ASAP1: variants seen among roughly 807,000 people sequenced by gnomAD.
ASAP1 encodes arf-GAP with SH3 domain, ANK repeat and PH domain-containing protein 1.
A neutral mutation model predicts 145.2 loss-of-function variants in ASAP1; 43 were observed. The observed-to-expected ratio is 0.30, with a 90% CI of 0.23 to 0.38. The LOEUF (loss-of-function observed/expected upper bound fraction) is 0.38. Ranked by LOEUF, ASAP1 falls within the 10% of genes least tolerant of loss-of-function variation. ASAP1 has a pLI of 1.00. For missense variants in ASAP1, 1,018 were observed against 1,355.3 expected (o/e 0.75, Z 3.91); for synonymous variants, 546 against 515.5 (o/e 1.06, Z -0.80).
intron 3 of ASAP1, among the ~76,000 whole-genome samples, chr8:130,339,568 T>C (rs913016518): frequency 1.3e-5 from 2 of 152,168 alleles, no homozygotes; most frequent in African/African-American, 4.8e-5. Flanking sequence ...GCTTGGTTTG[T>C]AGATGTTTAA....
rs141365520 is a variant in ASAP1, at chr8:130,176,981, C to T, written c.746+2283G>A. 7.9e-3 allele frequency among the ~76,000 whole-genome samples: 1,207 copies of T among 152,198 alleles called. 7 individuals carry two copies. Among genetic ancestry groups the T allele is most frequent in the Non-Finnish European group, 0.013 (902 of 68,000 alleles). Reference sequence around the variant, plus strand: ...CGGGGATTACAGGCGTGAGCCACCGCGCCCAGCCGTCTCTCTTCCTCTTGA... The same window carrying T: ...CGGGGATTACAGGCGTGAGCCACCGTGCCCAGCCGTCTCTCTTCCTCTTGA... On this transcript the variant is annotated intron_variant, in intron 9 of 29. Transcript: ENST00000518721.
At chr8:130,363,503 AAAGT>A (rs561932420) in intron 2 of ASAP1, among the ~76,000 whole-genome samples, 139 of 152,366 alleles carry the variant, frequency 9.1e-4, no homozygotes, top group Admixed American at 1.7e-3. Context: ...ACAACTTTAT[AAAGT>A]AAGTATATTT....
intron 1 of ASAP1, among the ~76,000 whole-genome samples, chr8:130,425,378 A>T (rs777851291): frequency 6.6e-6 from 1 of 151,960 alleles, no homozygotes; most frequent in African/African-American, 2.4e-5. Context: ...TAAGCCATGC[A>T]TGGTGTCACA....
intron 10 of ASAP1, among the ~76,000 whole-genome samples, chr8:130,167,844 C>G (rs762633037): frequency 1.3e-5 from 2 of 152,108 alleles, no homozygotes; most frequent in Non-Finnish European, 2.9e-5. Context: ...TATTAAATAA[C>G]CTATCTAAGC....
intron 24 of ASAP1, among the ~76,000 whole-genome samples, chr8:130,092,385 A>G (rs974635444): frequency 6.6e-6 from 1 of 151,958 alleles, no homozygotes; most frequent in African/African-American, 2.4e-5. Context: ...CCTGCACTGT[A>G]GAAAGCTGAG....
intron 1 of ASAP1, among the ~76,000 whole-genome samples, chr8:130,436,316 A>T (rs1830311218): frequency 6.6e-6 from 1 of 152,188 alleles, no homozygotes; most frequent in Non-Finnish European, 1.5e-5. Context: ...TTCTTTTGAG[A>T]CATGGTCTTG....
chr8:130,407,034 C>T (rs1211811807), intron 1 of ASAP1, among the ~76,000 whole-genome samples: 1 of 152,186 alleles, frequency 6.6e-6, no homozygotes, highest in Non-Finnish European at 1.5e-5. Flanking sequence ...AAAGTACCTA[C>T]CTCATGCAGT....
chr8:130,408,517 C>T (rs72726203), intron 1 of ASAP1, among the ~76,000 whole-genome samples: 5,225 of 152,206 alleles, frequency 0.034, 126 homozygotes, highest in Middle Eastern at 0.072. Context: ...TTTAGACCTT[C>T]GGGCTAGGAC....
intron 27 of ASAP1, among the ~76,000 whole-genome samples, chr8:130,067,753 A>G (rs1308003376): frequency 6.6e-6 from 1 of 152,196 alleles, no homozygotes; most frequent in Non-Finnish European, 1.5e-5. Context: ...TCTGCTTAAT[A>G]GCTTTTCATC....
At chr8:130,301,820 A>G (rs1327886373) in intron 3 of ASAP1, among the ~76,000 whole-genome samples, 1 of 152,236 alleles carries the variant, frequency 6.6e-6, no homozygotes, top group Non-Finnish European at 1.5e-5. Context: ...GAGAGTATCT[A>G]TTCGTAGATT....
intron 2 of ASAP1, chr8:130,360,968 G>A (rs1284135915): frequency 6.5e-6 from 1 of 152,820 alleles, no homozygotes; most frequent in African/African-American, 2.4e-5. Context: ...TAAGCTCTCT[G>A]AGACTCAGTT....
At chr8:130,131,140 G>C (rs1012446765) in intron 15 of ASAP1, among the ~76,000 whole-genome samples, 2 of 150,014 alleles carry the variant, frequency 1.3e-5, no homozygotes, top group Admixed American at 6.7e-5. Context: ...CTGGGCGACA[G>C]AGCAAGACTC....
intron 1 of ASAP1, among the ~76,000 whole-genome samples, chr8:130,435,857 T>C (rs879855404): frequency 3.9e-5 from 6 of 152,168 alleles, no homozygotes; most frequent in Admixed American, 3.3e-4. Flanking sequence ...GAATCCACCA[T>C]ACACCATTGG....
At chr8:130,107,050 A>T (rs1357329677) in intron 24 of ASAP1, among the ~76,000 whole-genome samples, 1 of 152,212 alleles carries the variant, frequency 6.6e-6, no homozygotes, top group African/African-American at 2.4e-5. Context: ...TCTCTAAGCA[A>T]GGTAGACACC....
At chr8:130,300,880 G>A (rs1435234356) in intron 3 of ASAP1, among the ~76,000 whole-genome samples, 2 of 152,166 alleles carry the variant, frequency 1.3e-5, no homozygotes, top group African/African-American at 4.8e-5. Flanking sequence ...AAGCACATCT[G>A]TCACAATGAT....
chr8:130,065,157 G>A (rs1050276180), intron 27 of ASAP1, among the ~76,000 whole-genome samples: 3 of 152,100 alleles, frequency 2.0e-5, no homozygotes, highest in African/African-American at 4.8e-5. Flanking sequence ...GGGATTACAG[G>A]TCTGAGCCTT....
intron 4 of ASAP1, among the ~76,000 whole-genome samples, chr8:130,223,211 A>C (rs189356959): frequency 6.6e-6 from 1 of 152,348 alleles, no homozygotes; most frequent in Non-Finnish European, 1.5e-5. Context: ...GGAGCATTCC[A>C]AACCACAACC....
chr8:130,057,081 T>C (rs187328858), intron 29 of ASAP1, among the ~76,000 whole-genome samples: 219 of 152,338 alleles, frequency 1.4e-3, no homozygotes, highest in African/African-American at 5.1e-3. Flanking sequence ...TTTAATCTTT[T>C]CCTAAAATTA....
chr8:130,370,820 T>C (rs75634651), intron 2 of ASAP1, among the ~76,000 whole-genome samples: 355 of 152,338 alleles, frequency 2.3e-3, no homozygotes, highest in African/African-American at 8.2e-3. Flanking sequence ...TACTGTATGA[T>C]ACCTTAAAGG....
Sources: gnomAD v4.1 joint callset for allele counts (sites outside exome capture counted in the v4.1 genomes callset) on GRCh38, gnomAD v4.1.1 for gene constraint, MANE v1.5 for transcripts, NCBI Gene and HGNC (gene_info 2026-07-23, HGNC 2026-07-21) for gene names.